CFAP43: variants seen among roughly 807,000 people sequenced by gnomAD.
CFAP43 encodes cilia and flagella associated protein 43, also known as cilia- and flagella-associated protein 43.
A neutral mutation model predicts 218.9 loss-of-function variants in CFAP43; 155 were observed. That is an observed-to-expected ratio of 0.71 (90% confidence interval 0.62 to 0.81). CFAP43 has a LOEUF of 0.81. Among genes scored for constraint, CFAP43 ranks in the 30% least tolerant of loss-of-function variants. The probability of loss-of-function intolerance (pLI) is 0.00; values close to 1 mark genes in which losing one functional copy is unlikely to be tolerated. For synonymous variants in CFAP43, 645 were observed against 681.3 expected, an observed-to-expected ratio of 0.95 and a Z score of 0.83; for missense variants, 1,778 against 1,954.3, an observed-to-expected ratio of 0.91 and a Z score of 1.70.
intron 25 of CFAP43, 51 bp downstream of exon 25, chr10:104,162,266 A>G: frequency 6.5e-7 from 1 of 1,527,948 alleles, no homozygotes; most frequent in Non-Finnish European, 9.1e-7. Flanking sequence ...AGGAAGCAGT[A>G]TCCCTAAAGC....
intron 8 of CFAP43, among the ~76,000 whole-genome samples, chr10:104,201,588 A>G (rs1003809190): frequency 1.3e-5 from 2 of 152,050 alleles, no homozygotes; most frequent in Non-Finnish European, 2.9e-5. Context: ...TCCTTGGAAC[A>G]CTTTATTCTA....
At position 104,164,145 on chromosome 10, in the gene CFAP43, T is replaced by A. The variant is rs927935647; in HGVS notation, c.3195A>T (p.Glu1065Asp). 1.2e-6 allele frequency: 2 copies of A among 1,614,212 alleles called. No individual in the cohort carries two copies. Among genetic ancestry groups the A allele is most frequent in the Non-Finnish European group, 1.7e-6 (2 of 1,180,024 alleles). Reference protein sequence around the residue: ...LELEEAVWQPEFEDCEKPERT... With the variant: ...LELEEAVWQPDFEDCEKPERT... The stretch of plus-strand genomic sequence containing the variant: ...TCTCTGGCTTCTCACAGTCTTCAAA[T>A]TCTGGTTGCCAGACTGCTTCTTCCA... The change falls in exon 24 of 38, where the codon GAA becomes GAT. Residue 1065 changes from glutamate (E) to aspartate (D), a missense_variant. Glu to Asp is a conservative substitution (Grantham distance 45, BLOSUM62 2). Coordinates refer to ENST00000357060, the MANE Select transcript of CFAP43 (RefSeq NM_025145.7).
At chr10:104,191,795 G>GTT (rs977150660) in intron 12 of CFAP43, among the ~76,000 whole-genome samples, 1 of 148,132 alleles carries the variant, frequency 6.8e-6, no homozygotes, top group Admixed American at 6.7e-5. Context: ...TGTGTGGGGG[G>GTT]GGGGAAACAC....
chr10:104,163,154 GGGTCCAAAGCCCCA>G (rs1210107033), intron 24 of CFAP43, among the ~76,000 whole-genome samples: 1 of 152,176 alleles, frequency 6.6e-6, no homozygotes, highest in Non-Finnish European at 1.5e-5. Context: ...ATGATGGTTT[GGGTCCAAAGCCCCA>G]ACAATGACAC....
Position 104,207,844 on chromosome 10 carries a change from C to T in CFAP43, c.736-20G>A. 6.3e-7 allele frequency: 1 copy of T among 1,592,628 alleles called. No homozygotes were observed. Among genetic ancestry groups the T allele is most frequent in the Middle Eastern group, 1.7e-4 (1 of 5,942 alleles). ...TTTCGGCTTCAGGGAGAGAATAAAA[C>T]CTTGTGTTAAGAAAACAATCACGGC... On this transcript the variant is annotated intron_variant, in intron 5 of 37. Coordinates refer to ENST00000357060, the MANE Select transcript of CFAP43 (RefSeq NM_025145.7).
Position 104,187,334 on chromosome 10 carries a change from G to A in CFAP43, c.1846C>T (p.Leu616Phe), listed in dbSNP as rs35901897. ...TGTTGACATACTTCTTCAGGAAGAAGGTAGCTACAGATGTATGGCACTTGA... is the reference window on the plus strand; with the variant it reads ...TGTTGACATACTTCTTCAGGAAGAAAGTAGCTACAGATGTATGGCACTTGA... ...CSQVPYICSYLLPEEEHTGIY... is the reference protein window; with the variant it reads ...CSQVPYICSYFLPEEEHTGIY... Residue 616 changes from leucine (L) to phenylalanine (F), a missense_variant, in exon 14 of 38, where the codon CTT (leucine) becomes TTT (phenylalanine). Leu to Phe is a conservative substitution (Grantham distance 22). Around this residue, in one of 3 missense-constraint regions of CFAP43, gnomAD observed 1,553 missense variants for 1,685.2 expected, o/e 0.92. Coordinates refer to ENST00000357060, the MANE Select transcript of CFAP43 (RefSeq NM_025145.7). 2.0e-3 allele frequency: 3,232 copies of A among 1,592,808 alleles called. 48 individuals carry two copies. In the African/African-American group the frequency reaches 0.039, roughly 19 times the overall value.
chr10:104,186,106 G>A lies in CFAP43; in HGVS notation c.1878C>T (p.Tyr626=). Residue 626 remains tyrosine (Y), a synonymous_variant, in exon 15 of 38, where the codon TAC becomes TAT. Transcript: ENST00000357060. The part of the protein sequence containing the change: ...LLPEEEHTGI[Y]ILKPYKKVQS... ...GTACTTTTTTGTATGGTTTAAGAAT[G>A]TAGATACCGGTATGTTCCTGCCAAT... 8.5e-6 allele frequency: 13 copies of A among 1,532,768 alleles called. No homozygotes were observed. Among genetic ancestry groups the A allele is most frequent in the Non-Finnish European group, 1.1e-5 (13 of 1,145,576 alleles). The allele number at this position is 1,532,768 out of a possible 1,614,324, so 94.9% of individuals were successfully genotyped here.
rs1346621620 is a variant in CFAP43 at position 104,188,351 on chromosome 10, C to G, written c.1606G>C (p.Glu536Gln). The G allele has an allele frequency of 5.6e-6, 9 of 1,614,146 alleles. No homozygotes were observed. Among genetic ancestry groups the G allele is most frequent in the Non-Finnish European group, 7.6e-6 (9 of 1,180,028 alleles). Residue 536 changes from glutamate to glutamine, a missense_variant, in exon 13 of 38, where the codon GAA (glutamate) becomes CAA (glutamine). By Grantham distance (29) the Glu-to-Gln change is conservative (BLOSUM62 2). Coordinates refer to ENST00000357060, the MANE Select transcript of CFAP43 (RefSeq NM_025145.7). ...GGAAGCGAGGAAAGCACCATCACTT[C>G]CACTATGTCTGTTTCTAAAAGAGAC... is the stretch of plus-strand genomic sequence containing the variant. ...TVSLLETDIV[E>Q]VMVLSSLPEA...
intron 8 of CFAP43, among the ~76,000 whole-genome samples, chr10:104,198,772 T>G (rs1371233510): frequency 3.3e-5 from 5 of 152,030 alleles, no homozygotes; most frequent in African/African-American, 1.2e-4. Context: ...TGCCTCAGCC[T>G]CCTGAGTAGC....
chr10:104,219,812 C>G (rs1256558917), intron 3 of CFAP43, among the ~76,000 whole-genome samples: 3 of 152,162 alleles, frequency 2.0e-5, no homozygotes, highest in Non-Finnish European at 4.4e-5. Flanking sequence ...TTCATTGAAA[C>G]CTGCTGTGCT....
Position 104,166,623 on chromosome 10 carries a change from T to C in CFAP43, c.2904A>G (p.Thr968=), listed in dbSNP as rs767244239. The part of the protein sequence containing the change: ...DDEEEEEEDK[T]VKYSNLPNYL... Reference sequence around the variant, plus strand: ...AATTGGGCAAATTGCTATATTTTACTGTCTTGTCTTCCTCTTCCTCTTCTT... The same window carrying C: ...AATTGGGCAAATTGCTATATTTTACCGTCTTGTCTTCCTCTTCCTCTTCTT... Residue 968 remains threonine, a synonymous_variant, in exon 23 of 38, where the codon ACA becomes ACG. Transcript: ENST00000357060. The C allele has an allele frequency of 6.2e-7, 1 of 1,614,086 alleles. No homozygotes were observed. The highest frequency in any genetic ancestry group is 8.5e-7 in the Non-Finnish European group (1 of 1,180,036).
At chr10:104,145,962 A>G (rs1300860531) in intron 30 of CFAP43, among the ~76,000 whole-genome samples, 1 of 152,172 alleles carries the variant, frequency 6.6e-6, no homozygotes, top group African/African-American at 2.4e-5. Flanking sequence ...ATAACCTACT[A>G]AATTGATTTC....
intron 23 of CFAP43, among the ~76,000 whole-genome samples, chr10:104,165,354 C>T (rs755966806): frequency 6.6e-6 from 1 of 152,178 alleles, no homozygotes; most frequent in Non-Finnish European, 1.5e-5. Context: ...GCTGAAATTA[C>T]CTCCTTGTAG....
rs766702332 is a variant in CFAP43, at chr10:104,164,074, A to T, written c.3246+20T>A. 6.2e-7 allele frequency: 1 copy of T among 1,611,882 alleles called. No homozygotes were observed. The highest frequency in any genetic ancestry group is 1.3e-5 in the African/African-American group (1 of 74,804). On this transcript the variant is annotated intron_variant, in intron 24 of 37. Transcript: ENST00000357060. ...AGTCTCCTGAGAAAGAAGGGAAAGG[A>T]GAACACAGCTAGCCAGTACCTCCTC...
intron 2 of CFAP43, 48 bp downstream of exon 2, chr10:104,230,542 T>C: frequency 6.4e-7 from 1 of 1,567,842 alleles, no homozygotes; most frequent in South Asian, 1.2e-5. Flanking sequence ...GTCAACTCTT[T>C]AAACAAAATC....
chr10:104,160,319 G>C (rs1483585613), intron 27 of CFAP43, among the ~76,000 whole-genome samples: 1 of 152,156 alleles, frequency 6.6e-6, no homozygotes, highest in Non-Finnish European at 1.5e-5. Flanking sequence ...GGACCCTACA[G>C]GGCCACAGTG....
chr10:104,142,334 C>G lies in CFAP43; in HGVS notation c.4218G>C (p.Glu1406Asp). The change falls in exon 33 of 38, where the codon GAG (glutamate) becomes GAC (aspartate). Residue 1406 changes from glutamate (E) to aspartate (D), a missense_variant. Glu to Asp is a conservative substitution (Grantham distance 45, BLOSUM62 2). Around this residue, in one of 3 missense-constraint regions of CFAP43, gnomAD observed 1,553 missense variants for 1,685.2 expected, o/e 0.92. Coordinates refer to ENST00000357060, the MANE Select transcript of CFAP43 (RefSeq NM_025145.7). ...EMATFLQKRVEEEEKVQQEIE... is the reference protein window; with the variant it reads ...EMATFLQKRVDEEEKVQQEIE... ...TCTCCTGTTGCACCTTCTCTTCCTCCTCAACTCTCTTCTGGAGGAAAGTTG... is the reference window on the plus strand; with the variant it reads ...TCTCCTGTTGCACCTTCTCTTCCTCGTCAACTCTCTTCTGGAGGAAAGTTG... 1.2e-6 allele frequency: 2 copies of G among 1,613,522 alleles called. No homozygotes were observed. The highest frequency in any genetic ancestry group is 1.7e-6 in the Non-Finnish European group (2 of 1,179,748).
At chr10:104,159,629 G>A (rs1218630720) in intron 27 of CFAP43, among the ~76,000 whole-genome samples, 3 of 152,152 alleles carry the variant, frequency 2.0e-5, no homozygotes, top group Non-Finnish European at 2.9e-5. Context: ...TGGAGCTGGC[G>A]GGTGGATGCA....
chr10:104,220,210 G>A (rs934811275), intron 3 of CFAP43, among the ~76,000 whole-genome samples: 29 of 152,172 alleles, frequency 1.9e-4, no homozygotes, highest in African/African-American at 1.7e-4. Context: ...GGTGAGAGGC[G>A]CGGGGGCAGA....
Sources: gnomAD v4.1 joint callset for allele counts (sites outside exome capture counted in the v4.1 genomes callset) on GRCh38, gnomAD v4.1.1 for gene constraint, gnomAD v4.1.1 regional missense constraint, MANE v1.5 for transcripts, NCBI Gene and HGNC (gene_info 2026-07-23, HGNC 2026-07-21) for gene names.